The following ARMC3 variants were observed in gnomAD, a reference collection of about 807,000 sequenced individuals.
ARMC3 encodes the protein armadillo repeat-containing protein 3.
Under a neutral mutation model 90.3 loss-of-function variants are expected in ARMC3, and 74 were observed. The ratio of observed to expected loss-of-function variants is 0.82; its 90% confidence interval spans 0.68 to 0.99. The LOEUF (loss-of-function observed/expected upper bound fraction) is 0.99, where lower values mean the gene tolerates loss of function less well. Among genes scored for constraint, ARMC3 ranks in the 50% least tolerant of loss-of-function variants. The probability of loss-of-function intolerance (pLI) is 0.00; values close to 1 mark genes in which losing one functional copy is unlikely to be tolerated. For synonymous variants in ARMC3, 334 were observed against 361.8 expected (o/e 0.92, Z 0.87); for missense variants, 958 against 1,042.8 (o/e 0.92, Z 1.12).
At chr10:22,995,934 A>G (rs1472113544) in intron 10 of ARMC3, among the ~76,000 whole-genome samples, 1 of 152,142 alleles carries the variant, frequency 6.6e-6, no homozygotes, top group Non-Finnish European at 1.5e-5. Flanking sequence ...CTCTTTCTTA[A>G]CTCTACAGGA....
intron 8 of ARMC3, among the ~76,000 whole-genome samples, chr10:22,974,244 CAAAT>C (rs1357423479): frequency 6.6e-6 from 1 of 151,950 alleles, no homozygotes; most frequent in African/African-American, 2.4e-5. Flanking sequence ...TTAAAAGAGA[CAAAT>C]GAAGGAACTA....
chr10:23,007,834 T>A (rs1837701018), intron 14 of ARMC3, among the ~76,000 whole-genome samples: 1 of 152,250 alleles, frequency 6.6e-6, no homozygotes, highest in African/African-American at 2.4e-5. Flanking sequence ...CTTCTTGCAG[T>A]GGCTCATGCC....
intron 10 of ARMC3, among the ~76,000 whole-genome samples, chr10:22,982,839 C>T (rs560295404): frequency 5.6e-4 from 85 of 152,332 alleles, no homozygotes; most frequent in African/African-American, 1.9e-3. Flanking sequence ...CCATCACATA[C>T]TTAATAGTTC....
In ARMC3 at chr10:23,032,900, G is replaced by GA. The variant is rs1304745815; in HGVS notation, c.2289dup (p.Leu764ThrfsTer3). On this transcript the variant is annotated frameshift_variant, in exon 18 of 19. Coordinates refer to ENST00000298032, the MANE Select transcript of ARMC3 (RefSeq NM_173081.5). LOFTEE classifies it high-confidence loss of function. Reference sequence around the variant, plus strand: ...AAATGGGTGGTAAGATTCCAAAAGAGAAACTACCTGATTTCAGCTGGGAAC... The same window carrying GA: ...AAATGGGTGGTAAGATTCCAAAAGAGAAAACTACCTGATTTCAGCTGGGAAC... 1.9e-6 allele frequency: 3 copies of GA among 1,612,812 alleles called. No homozygotes were observed. Among genetic ancestry groups the GA allele is most frequent in the Non-Finnish European group, 2.5e-6 (3 of 1,179,364 alleles).
At position 23,003,426 on chromosome 10, in the gene ARMC3, C is replaced by T. The variant is rs1227585367; in HGVS notation, c.1731+12C>T. The T allele has an allele frequency of 6.3e-7, 1 of 1,575,400 alleles. No individual in the cohort carries two copies. Among genetic ancestry groups the T allele is most frequent in the Non-Finnish European group, 8.6e-7 (1 of 1,161,290 alleles). On this transcript the variant is annotated intron_variant, in intron 13 of 18. Transcript: ENST00000298032. Reference sequence around the variant, plus strand: ...ATGATTATGGTCGGGTAAGTGACAGCATTTATTTGTAGTTTAGTATGTACA... The same window carrying T: ...ATGATTATGGTCGGGTAAGTGACAGTATTTATTTGTAGTTTAGTATGTACA...
intron 16 of ARMC3, among the ~76,000 whole-genome samples, chr10:23,021,238 G>A (rs550219079): frequency 5.3e-5 from 8 of 152,264 alleles, no homozygotes; most frequent in South Asian, 4.1e-4. Context: ...GGTAGATGCC[G>A]TGTATTTGCT....
chr10:22,938,483 A>G (rs1370575154), intron 2 of ARMC3, among the ~76,000 whole-genome samples: 1 of 152,222 alleles, frequency 6.6e-6, no homozygotes. Flanking sequence ...TGTGGGAGAA[A>G]CATGAAAATT....
rs556809381 is a variant in ARMC3, at chr10:23,038,275, T to C, written c.*796T>C. 2 of 152,306 alleles carry C rather than the reference T, an allele frequency of 1.3e-5. No homozygotes were observed. Among genetic ancestry groups the C allele is most frequent in the East Asian group, 3.9e-4 (2 of 5,176 alleles). 9.4% of individuals were successfully genotyped at this position (152,306 alleles called of 1,614,324 possible). A position where few individuals can be genotyped will look rare whatever the true frequency, so the allele number is the denominator to read the frequency against. On this transcript the variant is annotated 3_prime_UTR_variant, in exon 19 of 19. Coordinates refer to ENST00000298032, the MANE Select transcript of ARMC3 (RefSeq NM_173081.5). ...TCTTTGCTGAGGAATTGTGTTTTAG[T>C]ATTGAGCACAAAATGGGGAGTAAAT...
At chr10:22,938,210 C>T (rs930622748) in intron 2 of ARMC3, among the ~76,000 whole-genome samples, 22 of 152,070 alleles carry the variant, frequency 1.4e-4, no homozygotes, top group Admixed American at 3.3e-4. Context: ...GGACCCCAGC[C>T]AGACCACAGT....
chr10:23,029,516 G>A (rs1033157658), intron 16 of ARMC3, among the ~76,000 whole-genome samples: 5 of 152,146 alleles, frequency 3.3e-5, no homozygotes, highest in Non-Finnish European at 7.4e-5. Flanking sequence ...GAGGGAACCA[G>A]TAAGATGTTC....
intron 16 of ARMC3, among the ~76,000 whole-genome samples, chr10:23,013,134 C>T (rs113107847): frequency 4.2e-4 from 64 of 152,140 alleles, no homozygotes; most frequent in East Asian, 1.4e-3. Flanking sequence ...CCTGGCCTCA[C>T]GTGATCTGCC....
rs1311541549 is a variant in ARMC3 at position 22,981,587 on chromosome 10, T to C, written c.1070-8T>C. On this transcript the variant is annotated splice_region_variant and splice_polypyrimidine_tract_variant and intron_variant, in intron 9 of 18. Transcript: ENST00000298032. ...AAAAGTCACATTTTTACCTTTCTCT[T>C]TCTGTAGGGATTCCACAGTTAATTC... 1 of 1,614,068 alleles carries C rather than the reference T, an allele frequency of 6.2e-7. No homozygotes were observed. Among genetic ancestry groups the C allele is most frequent in the South Asian group, 1.1e-5 (1 of 91,064 alleles).
At chr10:22,990,726 C>T (rs1229643777) in intron 10 of ARMC3, among the ~76,000 whole-genome samples, 1 of 152,164 alleles carries the variant, frequency 6.6e-6, no homozygotes, top group Non-Finnish European at 1.5e-5. Context: ...CTCTCCACCC[C>T]GGCAACTTTT....
intron 8 of ARMC3, among the ~76,000 whole-genome samples, chr10:22,977,169 T>C (rs1162231912): frequency 6.6e-6 from 1 of 152,236 alleles, no homozygotes; most frequent in Non-Finnish European, 1.5e-5. Context: ...TGGCTAGATT[T>C]AGAGGAAATC....
rs1393086778 is a variant in ARMC3 at position 22,998,380 on chromosome 10, G to A, written c.1408G>A (p.Val470Ile). 6 of 1,614,000 alleles carry A rather than the reference G, an allele frequency of 3.7e-6. No individual in the cohort carries two copies. Among genetic ancestry groups the A allele is most frequent in the South Asian group, 3.3e-5 (3 of 91,080 alleles). The stretch of plus-strand genomic sequence containing the variant: ...CGCTGTCACCGCAACTGCGTGTGAC[G>A]TTGAAGCCCGGACTGAGGTGAGAAT... Reference protein sequence around the residue: ...ALAVTATACDVEARTELRNSG... With the variant: ...ALAVTATACDIEARTELRNSG... Residue 470 changes from valine (V) to isoleucine (I), a missense_variant, in exon 11 of 19, where the codon GTT becomes ATT. By Grantham distance (29) the Val-to-Ile change is conservative. Coordinates refer to ENST00000298032, the MANE Select transcript of ARMC3 (RefSeq NM_173081.5).
rs1159014876 is a variant in ARMC3, at chr10:22,929,765, G to C, written c.-2+1659G>C. Among the ~76,000 whole-genome samples, 3 of 152,166 alleles carry C rather than the reference G, an allele frequency of 2.0e-5. No individual in the cohort carries two copies. In the East Asian group the frequency reaches 5.8e-4, roughly 29 times the overall value. ...AGAGTTTTGCCATGTTGTCCAGGCTGGTCTTGAGCTCCTGACCTCAGGTGA... is the reference window on the plus strand; with the variant it reads ...AGAGTTTTGCCATGTTGTCCAGGCTCGTCTTGAGCTCCTGACCTCAGGTGA... On this transcript the variant is annotated intron_variant, in intron 1 of 18. Coordinates refer to ENST00000298032, the MANE Select transcript of ARMC3 (RefSeq NM_173081.5).
chr10:22,960,756 T>G (rs1194438041), intron 6 of ARMC3: 2 of 152,250 alleles, frequency 1.3e-5, no homozygotes, highest in Non-Finnish European at 2.9e-5. Context: ...CTACAGACAG[T>G]CACAGTTCTG....
chr10:23,003,458 A>T, intron 13 of ARMC3, 44 bp downstream of exon 13: 11 of 1,435,336 alleles, frequency 7.7e-6, no homozygotes, highest in Non-Finnish European at 9.3e-6. Context: ...TACAATAATA[A>T]TTTTTCTTTA....
At chr10:22,997,587 T>C (rs1037298059) in intron 10 of ARMC3, among the ~76,000 whole-genome samples, 1 of 152,256 alleles carries the variant, frequency 6.6e-6, no homozygotes, top group African/African-American at 2.4e-5. Flanking sequence ...TTCAAACCTG[T>C]TCATCTTTGC....
Sources: gnomAD v4.1 joint callset for allele counts (sites outside exome capture counted in the v4.1 genomes callset) on GRCh38, gnomAD v4.1.1 for gene constraint, MANE v1.5 for transcripts, NCBI Gene and HGNC (gene_info 2026-07-23, HGNC 2026-07-21) for gene names.